Variants in C5orf24 observed in about 807,000 individuals in gnomAD.
C5orf24 encodes the protein chromosome 5 open reading frame 24, also known as UPF0461 protein C5orf24.
A neutral mutation model predicts 9.8 loss-of-function variants in C5orf24; 4 were observed. That is an observed-to-expected ratio of 0.41 (90% CI 0.20 to 0.93). The LOEUF is 0.93. Ranked by LOEUF, C5orf24 falls within the 40% of genes least tolerant of loss-of-function variation. C5orf24 has a pLI of 0.33. For missense variants in C5orf24, 170 were observed against 236.9 expected, an observed-to-expected ratio of 0.72 and a Z score of 1.85; for synonymous variants, 73 against 81.3, an observed-to-expected ratio of 0.90 and a Z score of 0.55.
upstream of C5orf24, among the ~76,000 whole-genome samples, chr5:134,841,103 T>C (rs1056816727): frequency 1.3e-5 from 2 of 152,196 alleles, no homozygotes; most frequent in Non-Finnish European, 2.9e-5. Context: ...GACTGTTCTT[T>C]GGCAAGGTTA....
the C5orf24 span, among the ~76,000 whole-genome samples, chr5:134,837,809 A>G: frequency 6.6e-6 from 1 of 152,208 alleles, no homozygotes; most frequent in Admixed American, 6.5e-5. Context: ...TTAGTTTGTT[A>G]TAGCAGCCAA....
At chr5:134,852,894 G>A (rs1049768155) in intron 1 of C5orf24, among the ~76,000 whole-genome samples, 1 of 152,150 alleles carries the variant, frequency 6.6e-6, no homozygotes, top group African/African-American at 2.4e-5. Context: ...GTCCGGGCAC[G>A]GTGGCTCACA....
intron 1 of C5orf24, among the ~76,000 whole-genome samples, chr5:134,850,773 A>C (rs1003936550): frequency 4.6e-5 from 7 of 151,854 alleles, no homozygotes; most frequent in Admixed American, 6.6e-5. Context: ...CACCATGCCC[A>C]GCCGCACGAC....
chr5:134,850,165 T>C (rs1054183762), intron 1 of C5orf24, among the ~76,000 whole-genome samples: 18 of 152,164 alleles, frequency 1.2e-4, no homozygotes, highest in African/African-American at 4.1e-4. Flanking sequence ...TTTGTTTTCT[T>C]TGAGATGGAG....
chr5:134,845,806 G>C (rs936853695), upstream of C5orf24: 1 of 152,274 alleles, frequency 6.6e-6, no homozygotes, highest in Non-Finnish European at 1.5e-5. Flanking sequence ...GTCCACGCCG[G>C]ATCACCAGCA....
At chr5:134,833,972 A>G in the C5orf24 span, among the ~76,000 whole-genome samples, 31 of 121,520 alleles carry the variant, frequency 2.6e-4, no homozygotes, top group African/African-American at 9.6e-4. Context: ...ACTTTGCATT[A>G]ACCATGTTCT....
chr5:134,847,678 G>C (rs1756033039), intron 1 of C5orf24, among the ~76,000 whole-genome samples: 1 of 150,972 alleles, frequency 6.6e-6, no homozygotes, highest in Non-Finnish European at 1.5e-5. Context: ...TTCAGTCCAC[G>C]CTGTCTGGAA....
chr5:134,854,034 C>T (rs753917068), intron 1 of C5orf24, among the ~76,000 whole-genome samples: 2 of 152,114 alleles, frequency 1.3e-5, no homozygotes, highest in Non-Finnish European at 2.9e-5. Context: ...GAGCTGAGAT[C>T]GAGTCACTGC....
chr5:134,854,544 A>T (rs1384188517), intron 1 of C5orf24, among the ~76,000 whole-genome samples: 1 of 152,262 alleles, frequency 6.6e-6, no homozygotes, highest in Non-Finnish European at 1.5e-5. Context: ...TCTTGGCTTT[A>T]CTATTATTCT....
intron 1 of C5orf24, among the ~76,000 whole-genome samples, chr5:134,850,803 T>G (rs1354897251): frequency 6.6e-6 from 1 of 151,834 alleles, no homozygotes; most frequent in Admixed American, 6.6e-5. Flanking sequence ...AATGGTATGT[T>G]TTTTTCAGTG....
chr5:134,842,466 G>C (rs1580834734), upstream of C5orf24, among the ~76,000 whole-genome samples: 1 of 151,146 alleles, frequency 6.6e-6, no homozygotes, highest in African/African-American at 2.4e-5. Context: ...CAGTGACCCA[G>C]CCTGGGTGAA....
chr5:134,842,686 C>T (rs1176714461), upstream of C5orf24, among the ~76,000 whole-genome samples: 6 of 152,110 alleles, frequency 3.9e-5, no homozygotes, highest in African/African-American at 4.8e-5. Flanking sequence ...GCTAGATCTC[C>T]TTCTAAAGAG....
chr5:134,835,184 C>G, the C5orf24 span, among the ~76,000 whole-genome samples: 1 of 151,478 alleles, frequency 6.6e-6, no homozygotes, highest in Non-Finnish European at 1.5e-5. Context: ...CCGGCCTGGA[C>G]AACAGAGCAA....
chr5:134,838,943 T>C, the C5orf24 span, among the ~76,000 whole-genome samples: 1 of 152,066 alleles, frequency 6.6e-6, no homozygotes, highest in Non-Finnish European at 1.5e-5. Context: ...GTACAGTGGC[T>C]CAAACCTGTA....
chr5:134,842,901 C>A (rs570461321), upstream of C5orf24, among the ~76,000 whole-genome samples: 3 of 152,290 alleles, frequency 2.0e-5, no homozygotes, highest in Admixed American at 6.5e-5. Context: ...CTGGCACTTT[C>A]AAATCCAAAC....
At chr5:134,847,681 G>C (rs1408815948) in intron 1 of C5orf24, among the ~76,000 whole-genome samples, 1 of 150,412 alleles carries the variant, frequency 6.6e-6, no homozygotes, top group Non-Finnish European at 1.5e-5. Flanking sequence ...AGTCCACGCT[G>C]TCTGGAAATG....
At chr5:134,847,454 C>A (rs1395004894) in intron 1 of C5orf24, among the ~76,000 whole-genome samples, 1 of 152,048 alleles carries the variant, frequency 6.6e-6, no homozygotes, top group Non-Finnish European at 1.5e-5. Context: ...CGCCACCACA[C>A]CCAGCTAATT....
chr5:134,853,416 T>G (rs1756216663), intron 1 of C5orf24, among the ~76,000 whole-genome samples: 1 of 150,706 alleles, frequency 6.6e-6, no homozygotes, highest in South Asian at 2.1e-4. Flanking sequence ...TATGGCTATT[T>G]AGAGCTAGTT....
rs976028144 is a variant in C5orf24, at chr5:134,859,666, G to T, written c.*4199G>T. 1 of 167,004 alleles carries T rather than the reference G, an allele frequency of 6.0e-6. No individual in the cohort carries two copies. Among genetic ancestry groups the T allele is most frequent in the Non-Finnish European group, 1.5e-5 (1 of 68,106 alleles). 10.3% of individuals were successfully genotyped at this position (167,004 alleles called of 1,614,324 possible). On this transcript the variant is annotated 3_prime_UTR_variant, in exon 2 of 2. Coordinates refer to ENST00000394976, the MANE Select transcript of C5orf24 (RefSeq NM_001135586.1). ...CAATTATGTGTATGGGAATGGAGTA[G>T]TGTTCATGATTTGTATCTACATCAT... is the stretch of plus-strand genomic sequence containing the variant.
Sources: gnomAD v4.1 joint callset for allele counts (sites outside exome capture counted in the v4.1 genomes callset) on GRCh38, gnomAD v4.1.1 for gene constraint, MANE v1.5 for transcripts, NCBI Gene and HGNC (gene_info 2026-07-23, HGNC 2026-07-21) for gene names.